Variants in LCOR observed in about 807,000 individuals in gnomAD.
The protein encoded by LCOR is ligand-dependent corepressor.
In LCOR, 14 loss-of-function variants were observed where a neutral mutation model predicts 64.4. The observed-to-expected ratio is 0.22, with a 90% CI of 0.14 to 0.34. The LOEUF is 0.34. Ranked by LOEUF, LCOR falls within the 10% of genes least tolerant of loss-of-function variation. LCOR has a pLI of 1.00. For missense variants in LCOR, 1,686 were observed against 1,765.3 expected (o/e 0.96, Z 0.80); for synonymous variants, 643 against 642.5 (o/e 1.00, Z -0.01).
intron 4 of LCOR, among the ~76,000 whole-genome samples, chr10:96,922,609 G>A (rs1847099381): frequency 6.6e-6 from 1 of 152,154 alleles, no homozygotes; most frequent in African/African-American, 2.4e-5. Flanking sequence ...TGAATATTGG[G>A]AGTAGTATAA....
At chr10:96,953,789 T>C (rs928686889) in intron 7 of LCOR, among the ~76,000 whole-genome samples, 3 of 152,226 alleles carry the variant, frequency 2.0e-5, no homozygotes, top group Non-Finnish European at 2.9e-5. Context: ...CATCTTTTAG[T>C]TGAATATTCA....
At chr10:96,948,005 C>G (rs1300048169) in intron 5 of LCOR, among the ~76,000 whole-genome samples, 1 of 152,132 alleles carries the variant, frequency 6.6e-6, no homozygotes, top group Non-Finnish European at 1.5e-5. Context: ...ACAGTCTCAG[C>G]TCTTGAGAAG....
At chr10:96,936,728 C>T (rs766767965) in intron 4 of LCOR, among the ~76,000 whole-genome samples, 2 of 149,144 alleles carry the variant, frequency 1.3e-5, no homozygotes, top group Admixed American at 6.6e-5. Flanking sequence ...AACATGAATC[C>T]ACCCCTGGTA....
chr10:96,927,403 T>C (rs373910058), intron 4 of LCOR, among the ~76,000 whole-genome samples: 1 of 152,088 alleles, frequency 6.6e-6, no homozygotes, highest in East Asian at 1.9e-4. Flanking sequence ...AGGTATGTTA[T>C]ACAAATATTT....
At chr10:96,920,434 G>GTATATATGTATATATATTCA (rs71007309) in intron 4 of LCOR, among the ~76,000 whole-genome samples, 105,176 of 123,796 alleles carry the variant, frequency 0.85, 45,574 homozygotes, top group East Asian at 0.98. Context: ...ATATATATGT[G>GTATATATGTATATATATTCA]TATATATGTG....
chr10:96,906,892 A>G (rs972711082), intron 2 of LCOR, among the ~76,000 whole-genome samples: 1 of 152,202 alleles, frequency 6.6e-6, no homozygotes, highest in African/African-American at 2.4e-5. Context: ...ATTATTTTAG[A>G]AAGTTGTGGA....
rs767574275 is a variant in LCOR at position 96,984,102 on chromosome 10, G to T, written c.3642G>T (p.Lys1214Asn). The T allele has an allele frequency of 1.2e-6, 2 of 1,614,120 alleles. No homozygotes were observed. Among genetic ancestry groups the T allele is most frequent in the Non-Finnish European group, 1.7e-6 (2 of 1,180,006 alleles). ...TTCCAGGAGACGTTCCCCCTGTCAA[G>T]CATCCTCTTCAGAAATACGCTCCTT... ...TRLPGDVPPV[K>N]HPLQKYAPSS... The change falls in exon 8 of 8, where the codon AAG (lysine) becomes AAT (asparagine). Residue 1214 changes from lysine (K) to asparagine (N), a missense_variant. This residue lies in a region of LCOR where 1,293 missense variants were observed against 1,410.4 expected (regional missense o/e 0.92). Coordinates refer to ENST00000421806, the MANE Select transcript of LCOR (RefSeq NM_001346516.2).
At chr10:96,880,490 C>T (rs910009729) in intron 2 of LCOR, among the ~76,000 whole-genome samples, 4 of 152,124 alleles carry the variant, frequency 2.6e-5, no homozygotes, top group East Asian at 1.9e-4. Context: ...CTCCACCTTC[C>T]GGGTTCAAGC....
Position 96,915,394 on chromosome 10 carries a change from G to A in LCOR, c.-184+7647G>A, listed in dbSNP as rs149460970. Among the ~76,000 whole-genome samples, 285 of 152,192 alleles carry A rather than the reference G, an allele frequency of 1.9e-3. 5 individuals are homozygous for A. In the East Asian group the frequency reaches 0.043, roughly 23 times the overall value. Reference sequence around the variant, plus strand: ...AAATTAGCCAGGCGTGGTGACGTGCGCCTGTAGTCCCAGCTACTTGGGAGG... The same window carrying A: ...AAATTAGCCAGGCGTGGTGACGTGCACCTGTAGTCCCAGCTACTTGGGAGG... On this transcript the variant is annotated intron_variant, in intron 4 of 7. Coordinates refer to ENST00000421806, the MANE Select transcript of LCOR (RefSeq NM_001346516.2).
chr10:96,952,542 A>G (rs971829654), intron 7 of LCOR, among the ~76,000 whole-genome samples: 5 of 149,202 alleles, frequency 3.4e-5, no homozygotes, highest in African/African-American at 1.3e-4. Context: ...TTGAACTCCA[A>G]TACTTGGTAT....
chr10:96,852,448 T>C (rs554014301), intron 2 of LCOR, among the ~76,000 whole-genome samples: 1 of 152,194 alleles, frequency 6.6e-6, no homozygotes, highest in Admixed American at 6.5e-5. Flanking sequence ...ACCGACAAAT[T>C]ATCTTTAGGC....
Position 96,901,963 on chromosome 10 carries a change from A to T in LCOR, c.-329-5302A>T, listed in dbSNP as rs144703295. On this transcript the variant is annotated intron_variant, in intron 2 of 7. Coordinates refer to ENST00000421806, the MANE Select transcript of LCOR (RefSeq NM_001346516.2). ...TTTTTGTACTTTTTTATAGAGACGG[A>T]GTTTTACCATGTTGTCCATACTGAT... Among the ~76,000 whole-genome samples the T allele has an allele frequency of 3.9e-5, 6 of 152,162 alleles. No homozygotes were observed. The South Asian group carries it at 1.0e-3, about 26-fold the overall frequency.
intron 7 of LCOR, among the ~76,000 whole-genome samples, chr10:96,972,910 C>T (rs1047162701): frequency 6.6e-6 from 1 of 152,094 alleles, no homozygotes; most frequent in African/African-American, 2.4e-5. Flanking sequence ...GGATTGCATG[C>T]CCTTTGCTTT....
At chr10:96,878,405 AT>A (rs1344821888) in intron 2 of LCOR, among the ~76,000 whole-genome samples, 1 of 152,222 alleles carries the variant, frequency 6.6e-6, no homozygotes, top group African/African-American at 2.4e-5. Context: ...GACTGTAAAT[AT>A]ATTAGATTGA....
intron 7 of LCOR, among the ~76,000 whole-genome samples, chr10:96,975,314 A>G (rs1848029266): frequency 6.6e-6 from 1 of 152,230 alleles, no homozygotes; most frequent in Admixed American, 6.5e-5. Flanking sequence ...GGGCCTTTTA[A>G]TGACACCTGG....
intron 2 of LCOR, among the ~76,000 whole-genome samples, chr10:96,850,098 AATT>A (rs1845700393): frequency 6.6e-6 from 1 of 152,286 alleles, no homozygotes; most frequent in East Asian, 1.9e-4. Flanking sequence ...CAGTAGGATA[AATT>A]ATTAAAGTTC....
intron 4 of LCOR, among the ~76,000 whole-genome samples, chr10:96,920,695 TGTTC>T (rs1847056102): frequency 6.8e-6 from 1 of 147,378 alleles, no homozygotes; most frequent in Non-Finnish European, 1.5e-5. Flanking sequence ...TGTGTATATA[TGTTC>T]ATATATGTGT....
intron 2 of LCOR, among the ~76,000 whole-genome samples, chr10:96,840,713 C>G (rs1053791697): frequency 6.6e-6 from 1 of 152,156 alleles, no homozygotes; most frequent in Non-Finnish European, 1.5e-5. Flanking sequence ...TTTCTTTAGA[C>G]TTTAAATGTT....
At chr10:96,956,017 G>A (rs1424133707) in intron 7 of LCOR, 1 of 1,504,374 alleles carries the variant, frequency 6.6e-7, no homozygotes, top group Non-Finnish European at 8.8e-7. Flanking sequence ...CATTTACTGT[G>A]ACACTTGCTT....
Sources: allele counts gnomAD v4.1 joint callset (sites outside exome capture counted in the v4.1 genomes callset), GRCh38; gene constraint gnomAD v4.1.1; regional missense constraint gnomAD v4.1.1; transcripts MANE v1.5; gene names NCBI Gene and HGNC (gene_info 2026-07-23, HGNC 2026-07-21).